FBXL22: variants seen among roughly 807,000 people sequenced by gnomAD.
The protein encoded by FBXL22 is F-box and leucine-rich protein 22.
In FBXL22, 13 loss-of-function variants were observed where a neutral mutation model predicts 11.7. That is an observed-to-expected ratio of 1.11 (90% confidence interval 0.73 to 1.77). The LOEUF is 1.77. Among genes scored for constraint, FBXL22 ranks in the 40% most tolerant of loss-of-function variants. FBXL22 has a pLI of 0.00. For synonymous variants in FBXL22, 160 were observed against 144.1 expected (o/e 1.11, Z -0.79); for missense variants, 406 against 320.4 (o/e 1.27, Z -2.04).
rs2067361980 is a variant in FBXL22 at position 63,600,985 on chromosome 15, G to T, written c.642G>T (p.Gln214His). The T allele has an allele frequency of 1.7e-6, 2 of 1,189,962 alleles. No homozygotes were observed. The highest frequency in any genetic ancestry group is 4.2e-5 in the South Asian group (1 of 24,028). 73.7% of individuals were successfully genotyped at this position (1,189,962 alleles called of 1,614,324 possible). A position where few individuals can be genotyped will look rare whatever the true frequency, so the allele number is the denominator to read the frequency against. ...ACAGCGCCGCCATGCTGCCCGACCA[G>T]CCCCCGCGCCCGCGCGCGCCCGCCG... is the stretch of plus-strand genomic sequence containing the variant. ...AEHSAAMLPD[Q>H]PPRPRAPAAA... The change falls in exon 2 of 2, where the codon CAG becomes CAT. Residue 214 changes from glutamine (Q) to histidine (H), a missense_variant. Physicochemically the swap from Gln to His is conservative, Grantham distance 24 (BLOSUM62 0). Coordinates refer to ENST00000638704, the MANE Select transcript of FBXL22 (RefSeq NM_001367807.1).
At chr15:63,600,255 C>A in intron 1 of FBXL22, 1 of 992,608 alleles carries the variant, frequency 1.0e-6, no homozygotes, top group Non-Finnish European at 1.2e-6. Context: ...TCCCTCTTCC[C>A]ACTCACGTCC....
chr15:63,602,039 G>T, downstream of FBXL22: 1 of 256,212 alleles, frequency 3.9e-6, no homozygotes, highest in Admixed American at 5.2e-5. Context: ...AATTCTGGGT[G>T]GGTGGAAGAG....
downstream of FBXL22, chr15:63,601,312 TC>T: frequency 6.3e-7 from 1 of 1,590,832 alleles, no homozygotes. Flanking sequence ...TGCTGTGCGC[TC>T]CCCACGGAGG....
chr15:63,598,792 G>C (rs1474922330), intron 1 of FBXL22, among the ~76,000 whole-genome samples: 1 of 152,244 alleles, frequency 6.6e-6, no homozygotes, highest in Non-Finnish European at 1.5e-5. Context: ...ACTTGGGGTT[G>C]GGCCCCGACT....
At chr15:63,598,102 C>T (rs1363584187) in intron 1 of FBXL22, among the ~76,000 whole-genome samples, 1 of 152,100 alleles carries the variant, frequency 6.6e-6, no homozygotes, top group African/African-American at 2.4e-5. Flanking sequence ...TCAGCTCACC[C>T]CTCCATTAGG....
chr15:63,604,686 A>G (rs1053727154), downstream of FBXL22, among the ~76,000 whole-genome samples: 1 of 152,204 alleles, frequency 6.6e-6, no homozygotes, highest in Non-Finnish European at 1.5e-5. Context: ...AGATAGCTAC[A>G]TGCATGGAGG....
chr15:63,601,745 T>A (rs2067376986), downstream of FBXL22: 2 of 1,532,110 alleles, frequency 1.3e-6, no homozygotes, highest in Non-Finnish European at 1.8e-6. Flanking sequence ...ATAAACTGCA[T>A]AGTTACCCAT....
chr15:63,600,855 G>A lies in FBXL22; in HGVS notation c.512G>A (p.Gly171Glu). 1 of 1,229,670 alleles carries A rather than the reference G, an allele frequency of 8.1e-7. No individual in the cohort carries two copies. The highest frequency in any genetic ancestry group is 1.0e-6 in the Non-Finnish European group (1 of 986,644). 76.2% of individuals were successfully genotyped at this position (1,229,670 alleles called of 1,614,324 possible). The change falls in exon 2 of 2, where the codon GGG becomes GAG. Residue 171 changes from glycine to glutamate, a missense_variant. Gly to Glu is a moderately conservative substitution (Grantham distance 98). Transcript: ENST00000638704. ...ACGTTGGCTGCCGTGGCGGCGGACG[G>A]GCGCGCGCTGCAGACATTGCACGTG... ...NRTLAAVAAD[G>E]RALQTLHVDF... is the part of the protein sequence containing the mutation.
At chr15:63,600,166 G>A in intron 1 of FBXL22, 3 of 985,844 alleles carry the variant, frequency 3.0e-6, no homozygotes, top group Non-Finnish European at 3.6e-6. Flanking sequence ...AGCTGAACCC[G>A]GACTCAATGC....
chr15:63,606,149 G>C (rs2067411917), downstream of FBXL22, among the ~76,000 whole-genome samples: 1 of 152,146 alleles, frequency 6.6e-6, no homozygotes, highest in African/African-American at 2.4e-5. Context: ...TCCTGACCTT[G>C]GATTCTTGGT....
downstream of FBXL22, chr15:63,601,554 C>T (rs374926311): frequency 1.9e-6 from 3 of 1,560,530 alleles, no homozygotes; most frequent in African/African-American, 4.1e-5. Flanking sequence ...CGGTGGTGAT[C>T]TCGGTGAAGC....
At chr15:63,604,442 C>A (rs1469685265), downstream of FBXL22, among the ~76,000 whole-genome samples, 1 of 152,142 alleles carries the variant, frequency 6.6e-6, no homozygotes, top group East Asian at 1.9e-4. Flanking sequence ...GCAGTGCTGG[C>A]AGCTGTGTCC....
intron 1 of FBXL22, among the ~76,000 whole-genome samples, chr15:63,598,556 C>T (rs921888005): frequency 3.9e-5 from 6 of 152,196 alleles, no homozygotes; most frequent in African/African-American, 1.4e-4. Flanking sequence ...AGCTATTCAA[C>T]CAGCCTCTCA....
downstream of FBXL22, among the ~76,000 whole-genome samples, chr15:63,606,338 A>C (rs899089159): frequency 6.6e-6 from 1 of 152,356 alleles, no homozygotes; most frequent in Non-Finnish European, 1.5e-5. Flanking sequence ...ACTTTGAAGG[A>C]TGTCTGGAGA....
At chr15:63,607,933 C>G in the FBXL22 span, among the ~76,000 whole-genome samples, 1 of 152,218 alleles carries the variant, frequency 6.6e-6, no homozygotes, top group South Asian at 2.1e-4. Context: ...AACACACACA[C>G]AGCACTCAGG....
At chr15:63,603,530 TGA>T (rs1240369142), downstream of FBXL22, among the ~76,000 whole-genome samples, 1 of 152,072 alleles carries the variant, frequency 6.6e-6, no homozygotes, top group Non-Finnish European at 1.5e-5. Context: ...GAGGAAGAAA[TGA>T]GAGATGAAGG....
downstream of FBXL22, among the ~76,000 whole-genome samples, chr15:63,605,575 A>G (rs565237184): frequency 2.0e-5 from 3 of 152,356 alleles, no homozygotes; most frequent in African/African-American, 7.2e-5. Context: ...GGCATGGCAC[A>G]GCAAAGGCAA....
downstream of FBXL22, chr15:63,602,400 G>A (rs2152689101): frequency 6.6e-6 from 1 of 151,998 alleles, no homozygotes; most frequent in East Asian, 1.9e-4. Context: ...GGCTAACAAG[G>A]TGAAACCCCC....
At chr15:63,599,261 G>A (rs1009511536) in intron 1 of FBXL22, 16 of 1,523,900 alleles carry the variant, frequency 1.0e-5, no homozygotes, top group Non-Finnish European at 7.9e-6. Flanking sequence ...AGGAATGGCT[G>A]AGGATGGCTG....
Sources: allele counts gnomAD v4.1 joint callset (sites outside exome capture counted in the v4.1 genomes callset), GRCh38; gene constraint gnomAD v4.1.1; transcripts MANE v1.5; gene names NCBI Gene and HGNC (gene_info 2026-07-23, HGNC 2026-07-21).